ZNF423: variants seen among roughly 807,000 people sequenced by gnomAD.
ZNF423 encodes the protein zinc finger protein 423, also known as Ebf-associated zinc finger protein.
ZNF423 carries 12 observed loss-of-function variants against 95.8 expected under a neutral mutation model. The ratio of observed to expected loss-of-function variants is 0.13; its 90% confidence interval spans 0.08 to 0.20. The LOEUF (loss-of-function observed/expected upper bound fraction) is 0.20. ZNF423 is among the 10% of genes least tolerant of loss of function. The pLI, the probability that ZNF423 is intolerant of heterozygous loss-of-function variation, is 1.00. For missense variants in ZNF423, 1,316 were observed against 1,737.1 expected (o/e 0.76, Z 4.31); for synonymous variants, 749 against 711.9 (o/e 1.05, Z -0.83).
intron 5 of ZNF423, among the ~76,000 whole-genome samples, chr16:49,536,044 C>G (rs1969044398): frequency 6.6e-6 from 1 of 152,144 alleles, no homozygotes; most frequent in Non-Finnish European, 1.5e-5. Flanking sequence ...TTGTCCCCAC[C>G]AAGATCATTT....
intron 3 of ZNF423, among the ~76,000 whole-genome samples, chr16:49,716,873 G>T (rs570057862): frequency 2.0e-5 from 3 of 152,266 alleles, no homozygotes; most frequent in African/African-American, 7.2e-5. Flanking sequence ...CCCAGTCAGC[G>T]GGAGATAAAT....
chr16:49,713,998 C>T (rs887498202), intron 3 of ZNF423, among the ~76,000 whole-genome samples: 1 of 152,196 alleles, frequency 6.6e-6, no homozygotes, highest in Non-Finnish European at 1.5e-5. Context: ...GACAAGTCAG[C>T]CCGGCAGTGT....
At chr16:49,658,952 C>A (rs1012665491) in intron 3 of ZNF423, among the ~76,000 whole-genome samples, 5 of 152,380 alleles carry the variant, frequency 3.3e-5, no homozygotes, top group Non-Finnish European at 7.3e-5. Flanking sequence ...TCATTATGTG[C>A]TCCTGCTCAC....
chr16:49,833,532 CGAGT>C (rs1340312335), intron 1 of ZNF423, among the ~76,000 whole-genome samples: 1 of 152,174 alleles, frequency 6.6e-6, no homozygotes, highest in Non-Finnish European at 1.5e-5. Flanking sequence ...AAGACACATT[CGAGT>C]GAGGAAATTA....
chr16:49,785,503 C>T (rs2034296308), intron 2 of ZNF423, among the ~76,000 whole-genome samples: 1 of 152,190 alleles, frequency 6.6e-6, no homozygotes, highest in South Asian at 2.1e-4. Flanking sequence ...AATTATATCT[C>T]AATAAAGCTG....
At position 49,769,754 on chromosome 16, in the gene ZNF423, C is replaced by A. The variant is rs180877002; in HGVS notation, c.100+19733G>T. Among the ~76,000 whole-genome samples the A allele has an allele frequency of 3.8e-3, 575 of 149,676 alleles. 2 individuals carry two copies. The highest frequency in any genetic ancestry group is 5.0e-3 in the Non-Finnish European group (339 of 67,416). ...CATCTCCCTGACCTCACGCTCCCCC[C>A]ACCACCTCATTTCACACCCCCGTCT... On this transcript the variant is annotated intron_variant, in intron 2 of 7. Transcript: ENST00000563137.
At chr16:49,700,487 G>A (rs1567298888) in intron 3 of ZNF423, among the ~76,000 whole-genome samples, 3 of 152,166 alleles carry the variant, frequency 2.0e-5, no homozygotes, top group African/African-American at 7.2e-5. Flanking sequence ...TGGGGCGGAG[G>A]GGCAGCTGGA....
chr16:49,506,836 CATGGATGG>C (rs1181579032), intron 7 of ZNF423, among the ~76,000 whole-genome samples: 2 of 143,824 alleles, frequency 1.4e-5, no homozygotes, highest in African/African-American at 5.2e-5. Flanking sequence ...AGGATGGATG[CATGGATGG>C]ATGGATGGGT....
At chr16:49,844,122 A>AG in intron 1 of ZNF423, among the ~76,000 whole-genome samples, 1 of 144,064 alleles carries the variant, frequency 6.9e-6, no homozygotes, top group Non-Finnish European at 1.5e-5. Context: ...CTGTTAAAAA[A>AG]AAAAAAAAAA....
intron 5 of ZNF423, among the ~76,000 whole-genome samples, chr16:49,594,501 C>T (rs141309797): frequency 3.2e-4 from 48 of 152,130 alleles, no homozygotes; most frequent in Admixed American, 1.4e-3. Flanking sequence ...ACTGTCACAC[C>T]CAACATACAC....
chr16:49,787,943 T>C (rs925822205), intron 2 of ZNF423, among the ~76,000 whole-genome samples: 7 of 152,182 alleles, frequency 4.6e-5, no homozygotes, highest in African/African-American at 1.2e-4. Flanking sequence ...GAGGACTACA[T>C]GTCTGAGACA....
chr16:49,553,512 A>AT (rs1042285577), intron 5 of ZNF423, among the ~76,000 whole-genome samples: 8 of 151,686 alleles, frequency 5.3e-5, no homozygotes, highest in African/African-American at 1.9e-4. Flanking sequence ...CCCACGGGCT[A>AT]TTTTTTTACT....
At chr16:49,820,442 C>A (rs1376953518) in intron 1 of ZNF423, among the ~76,000 whole-genome samples, 1 of 152,222 alleles carries the variant, frequency 6.6e-6, no homozygotes, top group Non-Finnish European at 1.5e-5. Context: ...CAAGAGCTGA[C>A]AATCTGACTT....
chr16:49,651,484 C>T (rs1596793501), intron 3 of ZNF423, among the ~76,000 whole-genome samples: 2 of 152,138 alleles, frequency 1.3e-5, no homozygotes, highest in East Asian at 1.9e-4. Flanking sequence ...GGGGGTGTCC[C>T]GGGCCTTGGA....
chr16:49,559,367 G>A (rs895367840), intron 5 of ZNF423, among the ~76,000 whole-genome samples: 1 of 152,198 alleles, frequency 6.6e-6, no homozygotes, highest in East Asian at 1.9e-4. Flanking sequence ...AGGTATGGTG[G>A]GCTGGAGCAT....
intron 3 of ZNF423, among the ~76,000 whole-genome samples, chr16:49,669,960 G>T (rs62031928): frequency 3.9e-5 from 6 of 152,230 alleles, no homozygotes; most frequent in Non-Finnish European, 8.8e-5. Flanking sequence ...GCCACACACG[G>T]GATTATTGAG....
chr16:49,599,041 C>T (rs1971272502), intron 5 of ZNF423, among the ~76,000 whole-genome samples: 1 of 152,174 alleles, frequency 6.6e-6, no homozygotes, highest in Non-Finnish European at 1.5e-5. Flanking sequence ...ACACTTCACA[C>T]CAGGCACCCC....
intron 3 of ZNF423, among the ~76,000 whole-genome samples, chr16:49,692,620 G>T (rs532385441): frequency 2.0e-5 from 3 of 152,340 alleles, no homozygotes; most frequent in South Asian, 4.1e-4. Flanking sequence ...CAAGGGAACA[G>T]CCACACAGGG....
chr16:49,682,359 C>T (rs543122997), intron 3 of ZNF423, among the ~76,000 whole-genome samples: 1 of 152,288 alleles, frequency 6.6e-6, no homozygotes, highest in Non-Finnish European at 1.5e-5. Context: ...GCTGGCCGAG[C>T]ACATCCCACC....
Sources: gnomAD v4.1 joint callset for allele counts (sites outside exome capture counted in the v4.1 genomes callset) on GRCh38, gnomAD v4.1.1 for gene constraint, MANE v1.5 for transcripts, NCBI Gene and HGNC (gene_info 2026-07-23, HGNC 2026-07-21) for gene names.